The following ZNF644 variants were observed in gnomAD, a reference collection of about 807,000 sequenced individuals.
ZNF644 encodes zinc finger motif enhancer binding protein 2.
In ZNF644, 20 loss-of-function variants were observed where a neutral mutation model predicts 108.0. The observed-to-expected ratio is 0.19, with a 90% confidence interval of 0.13 to 0.27. The LOEUF is 0.27. Ranked by LOEUF, ZNF644 falls within the 10% of genes least tolerant of loss-of-function variation. ZNF644 has a pLI of 1.00. For missense variants in ZNF644, 1,338 were observed against 1,548.9 expected (o/e 0.86, Z 2.29); for synonymous variants, 542 against 539.1 (o/e 1.01, Z -0.08).
At chr1:90,987,465 G>A (rs771088344) in intron 1 of ZNF644, among the ~76,000 whole-genome samples, 3 of 151,772 alleles carry the variant, frequency 2.0e-5, no homozygotes, top group Non-Finnish European at 4.4e-5. Context: ...TGTACACCTA[G>A]CAAAACGAGG....
At chr1:90,932,520 GC>G (rs1650851390) in intron 4 of ZNF644, among the ~76,000 whole-genome samples, 2 of 152,046 alleles carry the variant, frequency 1.3e-5, no homozygotes, top group Admixed American at 6.6e-5. Flanking sequence ...GAAAAATGAT[GC>G]CTGTTACTCA....
chr1:91,021,762 G>A, intron 1 of ZNF644: 1 of 338,520 alleles, frequency 3.0e-6, no homozygotes, highest in Non-Finnish European at 5.3e-6. Context: ...TCCTTGTGTA[G>A]CACCAACTCC....
intron 2 of ZNF644, among the ~76,000 whole-genome samples, chr1:90,942,558 T>A (rs1381598130): frequency 2.6e-5 from 4 of 152,168 alleles, no homozygotes; most frequent in Non-Finnish European, 5.9e-5. Flanking sequence ...ATTTGTTGAA[T>A]AAAATACTGA....
At chr1:91,014,361 AT>A (rs1294008556) in intron 1 of ZNF644, among the ~76,000 whole-genome samples, 1 of 152,178 alleles carries the variant, frequency 6.6e-6, no homozygotes, top group Admixed American at 6.5e-5. Context: ...GGAATTACTA[AT>A]AGTAATTAAG....
At chr1:91,020,736 T>C (rs889759450) in intron 1 of ZNF644, 1 of 152,300 alleles carries the variant, frequency 6.6e-6, no homozygotes, top group Admixed American at 6.5e-5. Context: ...AAAAAATGTT[T>C]ACAACTAAAG....
At chr1:90,932,048 T>G (rs1237625670) in intron 4 of ZNF644, among the ~76,000 whole-genome samples, 1 of 152,164 alleles carries the variant, frequency 6.6e-6, no homozygotes, top group Non-Finnish European at 1.5e-5. Context: ...GTGACCCCAG[T>G]AAAGATTGAG....
In ZNF644 at chr1:91,011,602, A is replaced by G. The variant is rs917254996; in HGVS notation, c.-18+10388T>C. Among the ~76,000 whole-genome samples, 8 of 152,158 alleles carry G rather than the reference A, an allele frequency of 5.3e-5. No homozygotes were observed. In the South Asian group the frequency reaches 1.7e-3, roughly 32 times the overall value. ...GGGGAAAAAAACTGATTCAAGCACTAAAAGTAAAAATCATGATCAACAATT... is the reference window on the plus strand; with the variant it reads ...GGGGAAAAAAACTGATTCAAGCACTGAAAGTAAAAATCATGATCAACAATT... On this transcript the variant is annotated intron_variant, in intron 1 of 5. Transcript: ENST00000337393.
chr1:90,927,743 A>T (rs1650215969), intron 4 of ZNF644, among the ~76,000 whole-genome samples: 1 of 152,140 alleles, frequency 6.6e-6, no homozygotes, highest in Non-Finnish European at 1.5e-5. Context: ...GTCTCATGAA[A>T]GGCTTTTTAA....
intron 1 of ZNF644, among the ~76,000 whole-genome samples, chr1:90,987,397 T>A (rs1224452742): frequency 6.6e-6 from 1 of 151,460 alleles, no homozygotes; most frequent in Non-Finnish European, 1.5e-5. Flanking sequence ...CAGAATATTA[T>A]GAACAATTAT....
chr1:90,980,442 G>C (rs2101464494), intron 2 of ZNF644, among the ~76,000 whole-genome samples: 1 of 152,232 alleles, frequency 6.6e-6, no homozygotes, highest in East Asian at 1.9e-4. Context: ...TGCATGCCGT[G>C]TTATAAGGTT....
At chr1:90,975,662 T>C (rs539342086) in intron 2 of ZNF644, among the ~76,000 whole-genome samples, 1 of 152,290 alleles carries the variant, frequency 6.6e-6, no homozygotes, top group South Asian at 2.1e-4. Context: ...CAGGCTGGTC[T>C]TGAACTCCTG....
intron 2 of ZNF644, among the ~76,000 whole-genome samples, chr1:90,957,705 A>G (rs1257952650): frequency 6.6e-6 from 1 of 152,188 alleles, no homozygotes; most frequent in Non-Finnish European, 1.5e-5. Context: ...TTTTCCCCTA[A>G]TATCAGTAAA....
At chr1:90,994,791 A>G (rs966661512) in intron 1 of ZNF644, among the ~76,000 whole-genome samples, 3 of 152,160 alleles carry the variant, frequency 2.0e-5, no homozygotes, top group African/African-American at 7.2e-5. Flanking sequence ...TTGGACTACA[A>G]TCTCCACAAA....
chr1:90,971,489 C>T (rs1012184883), intron 2 of ZNF644, among the ~76,000 whole-genome samples: 5 of 151,964 alleles, frequency 3.3e-5, no homozygotes, highest in Non-Finnish European at 5.9e-5. Flanking sequence ...GGCGTGATCT[C>T]GGCTCACTGC....
intron 1 of ZNF644, among the ~76,000 whole-genome samples, chr1:91,006,596 C>A (rs1390141579): frequency 1.3e-5 from 2 of 152,164 alleles, no homozygotes; most frequent in South Asian, 2.1e-4. Flanking sequence ...AAACTACCAA[C>A]AAATATCCCT....
At chr1:90,987,988 A>C (rs979852830) in intron 1 of ZNF644, among the ~76,000 whole-genome samples, 1 of 152,188 alleles carries the variant, frequency 6.6e-6, no homozygotes, top group Admixed American at 6.5e-5. Context: ...GTTTCCTCTA[A>C]GATAGAGAAC....
chr1:90,938,035 C>A lies in ZNF644; in HGVS notation c.3138G>T (p.Trp1046Cys). 1.2e-6 allele frequency: 2 copies of A among 1,610,548 alleles called. No individual in the cohort carries two copies. The highest frequency in any genetic ancestry group is 1.7e-6 in the Non-Finnish European group (2 of 1,179,786). ...SEHTCQLCGG[W>C]FDTKIGLSNH... ...TTGATAATCCAATTTTAGTATCAAACCAACCACCACAGAGCTGACAAGTGT... is the reference window on the plus strand; with the variant it reads ...TTGATAATCCAATTTTAGTATCAAAACAACCACCACAGAGCTGACAAGTGT... The change falls in exon 4 of 6, where the codon TGG becomes TGT. Residue 1046 changes from tryptophan to cysteine, a missense_variant. Physicochemically the swap from Trp to Cys is radical, Grantham distance 215 (BLOSUM62 -2). Coordinates refer to ENST00000337393, the MANE Select transcript of ZNF644 (RefSeq NM_201269.3). The surrounding 1 kb of genome is among the most constrained non-coding windows in gnomAD (Gnocchi z 4.2).
rs777224217 is a variant in ZNF644 at position 90,958,232 on chromosome 1, TAAAA to T, written c.45-16927_45-16924del. 0.012 allele frequency among the ~76,000 whole-genome samples: 508 copies of T among 41,394 alleles called. 10 individuals carry two copies. The Admixed American group carries it at 0.14, about 11-fold the overall frequency. The allele number at this position is 41,394 out of a possible 152,430, so 27.2% of individuals were successfully genotyped here. ...ACCTGGGCGACAAAAGCAAAACTCC[TAAAA>T]AAAAAAAAAAAAAAAAAAAAAGAAT... On this transcript the variant is annotated intron_variant, in intron 2 of 5. Coordinates refer to ENST00000337393, the MANE Select transcript of ZNF644 (RefSeq NM_201269.3).
intron 4 of ZNF644, among the ~76,000 whole-genome samples, chr1:90,930,264 C>G (rs1294976620): frequency 6.6e-6 from 1 of 152,134 alleles, no homozygotes; most frequent in Non-Finnish European, 1.5e-5. Flanking sequence ...CCAGCCTGGG[C>G]AACTAGAGTG....
Sources: allele counts gnomAD v4.1 joint callset (sites outside exome capture counted in the v4.1 genomes callset), GRCh38; gene constraint gnomAD v4.1.1; non-coding constraint Gnocchi (gnomAD v3.1); transcripts MANE v1.5; gene names NCBI Gene and HGNC (gene_info 2026-07-23, HGNC 2026-07-21).